Variants in NELL1 observed in about 807,000 individuals in gnomAD.
NELL1 encodes neural EGFL like 1.
In NELL1, 76 loss-of-function variants were observed where a neutral mutation model predicts 107.4. The observed-to-expected ratio is 0.71, with a 90% CI of 0.59 to 0.86. NELL1 has a LOEUF of 0.86. NELL1 is among the 40% of genes least tolerant of loss of function. The pLI, the probability that NELL1 is intolerant of heterozygous loss-of-function variation, is 0.00. For missense variants in NELL1, 1,024 were observed against 1,005.5 expected, an observed-to-expected ratio of 1.02 and a Z score of -0.25; for synonymous variants, 353 against 341.2, an observed-to-expected ratio of 1.03 and a Z score of -0.38.
chr11:21,197,026 C>T (rs967597736), intron 13 of NELL1, among the ~76,000 whole-genome samples: 1 of 151,790 alleles, frequency 6.6e-6, no homozygotes, highest in African/African-American at 2.4e-5. Flanking sequence ...CACCTGCCAC[C>T]ATGCCCGGCT....
intron 11 of NELL1, among the ~76,000 whole-genome samples, chr11:20,958,254 C>T (rs1369026946): frequency 6.7e-6 from 1 of 148,204 alleles, no homozygotes; most frequent in South Asian, 2.1e-4. Flanking sequence ...TTCATCTCTC[C>T]AAAAAAAAAA....
intron 13 of NELL1, among the ~76,000 whole-genome samples, chr11:21,146,863 G>A (rs982333039): frequency 2.6e-5 from 4 of 152,156 alleles, no homozygotes; most frequent in Non-Finnish European, 5.9e-5. Context: ...GACCAATATA[G>A]TGAAACCCTG....
intron 13 of NELL1, among the ~76,000 whole-genome samples, chr11:21,200,507 A>G (rs1857245279): frequency 6.6e-6 from 1 of 151,666 alleles, no homozygotes; most frequent in African/African-American, 2.4e-5. Context: ...AAATTTGTTG[A>G]AGTTCTTTAT....
In NELL1 at chr11:20,797,534, C is replaced by T. The variant is rs531118343; in HGVS notation, c.335+13704C>T. ...TGAGCCGAGATCGCGGCACTGCACT[C>T]CAGCCTGGGCGACAGAGCGAGACTC... On this transcript the variant is annotated intron_variant, in intron 3 of 19. Coordinates refer to ENST00000357134, the MANE Select transcript of NELL1 (RefSeq NM_006157.5). Among the ~76,000 whole-genome samples, 9 of 136,540 alleles carry T rather than the reference C, an allele frequency of 6.6e-5. No homozygotes were observed. In the South Asian group the frequency reaches 2.2e-3, roughly 33 times the overall value. 89.6% of individuals were successfully genotyped at this position (136,540 alleles called of 152,430 possible). A position where few individuals can be genotyped will look rare whatever the true frequency, so the allele number is the denominator to read the frequency against.
At chr11:21,147,820 G>C (rs1397326532) in intron 13 of NELL1, among the ~76,000 whole-genome samples, 1 of 83,278 alleles carries the variant, frequency 1.2e-5, no homozygotes, top group Non-Finnish European at 2.1e-5. Flanking sequence ...TGGGCAACAA[G>C]AGTGAAACTC....
In NELL1 at chr11:20,678,039, A is replaced by G. The variant is rs1249702851; in HGVS notation, c.163A>G (p.Ser55Gly). 1.2e-6 allele frequency: 2 copies of G among 1,614,144 alleles called. No individual in the cohort carries two copies. The highest frequency in any genetic ancestry group is 2.2e-5 in the South Asian group (2 of 91,070). ...TCAGGTGTCTGGAATGCACAATGCCAGCAAAGCATTTTTATTTCAAGGTAA... is the reference window on the plus strand; with the variant it reads ...TCAGGTGTCTGGAATGCACAATGCCGGCAAAGCATTTTTATTTCAAGGTAA... ...VAQVSGMHNA[S>G]KAFLFQDIER... The change falls in exon 2 of 20, where the codon AGC becomes GGC. Residue 55 changes from serine to glycine, a missense_variant. Ser to Gly is a moderately conservative substitution (Grantham distance 56). Coordinates refer to ENST00000357134, the MANE Select transcript of NELL1 (RefSeq NM_006157.5).
At chr11:20,721,367 T>C (rs1207114948) in intron 2 of NELL1, among the ~76,000 whole-genome samples, 4 of 151,906 alleles carry the variant, frequency 2.6e-5, no homozygotes, top group Admixed American at 6.6e-5. Flanking sequence ...ACATACAATA[T>C]CAAGAGTTTA....
chr11:21,096,053 C>T (rs903512821), intron 12 of NELL1, among the ~76,000 whole-genome samples: 3 of 152,224 alleles, frequency 2.0e-5, no homozygotes, highest in East Asian at 3.9e-4. Context: ...CAATTACCTC[C>T]CAACAGTCTC....
intron 2 of NELL1, among the ~76,000 whole-genome samples, chr11:20,733,291 A>C (rs374392104): frequency 5.9e-5 from 9 of 152,176 alleles, no homozygotes; most frequent in East Asian, 1.9e-4. Flanking sequence ...TACTTGGCCT[A>C]ATGTATTTGC....
intron 13 of NELL1, among the ~76,000 whole-genome samples, chr11:21,120,207 G>A (rs189454029): frequency 5.7e-4 from 86 of 152,198 alleles, no homozygotes; most frequent in African/African-American, 2.0e-3. Flanking sequence ...ACACTATAAT[G>A]AAAAGAGATT....
At chr11:20,978,309 C>A (rs781567170) in intron 12 of NELL1, among the ~76,000 whole-genome samples, 2 of 152,164 alleles carry the variant, frequency 1.3e-5, no homozygotes, top group Non-Finnish European at 2.9e-5. Flanking sequence ...CACCGCGAAG[C>A]TAGGTATTAC....
At chr11:21,343,277 G>A (rs1202061852) in intron 14 of NELL1, among the ~76,000 whole-genome samples, 1 of 151,646 alleles carries the variant, frequency 6.6e-6, no homozygotes, top group African/African-American at 2.4e-5. Flanking sequence ...CTTCTATGCA[G>A]GATGCATTTT....
chr11:21,031,335 A>C (rs557281246), intron 12 of NELL1, among the ~76,000 whole-genome samples: 2 of 152,298 alleles, frequency 1.3e-5, no homozygotes, highest in South Asian at 4.1e-4. Context: ...TAATGTTCAG[A>C]ATTCTTTTCA....
intron 13 of NELL1, among the ~76,000 whole-genome samples, chr11:21,121,683 T>C (rs1247906749): frequency 6.6e-6 from 1 of 152,144 alleles, no homozygotes; most frequent in African/African-American, 2.4e-5. Flanking sequence ...TCAAGTTGAA[T>C]TGAAGAAATT....
chr11:21,003,997 T>C (rs1025947833), intron 12 of NELL1, among the ~76,000 whole-genome samples: 2 of 152,134 alleles, frequency 1.3e-5, no homozygotes, highest in Non-Finnish European at 2.9e-5. Flanking sequence ...GCACTTTCCA[T>C]TGCCCTTGAA....
intron 15 of NELL1, among the ~76,000 whole-genome samples, chr11:21,405,565 G>T (rs1202656475): frequency 6.6e-6 from 1 of 151,952 alleles, no homozygotes; most frequent in Non-Finnish European, 1.5e-5. Flanking sequence ...AAACAGTTCT[G>T]TTCTTGTACT....
chr11:20,804,832 T>C (rs1857348204), intron 3 of NELL1, among the ~76,000 whole-genome samples: 1 of 152,200 alleles, frequency 6.6e-6, no homozygotes, highest in South Asian at 2.1e-4. Context: ...TCCAATGTTT[T>C]CTTTGTTGAT....
intron 12 of NELL1, among the ~76,000 whole-genome samples, chr11:21,036,462 A>T (rs549596510): frequency 6.6e-6 from 1 of 152,294 alleles, no homozygotes; most frequent in South Asian, 2.1e-4. Flanking sequence ...TGGAGGCATC[A>T]CACTGACTGC....
chr11:21,240,685 G>A (rs528678295), intron 14 of NELL1, among the ~76,000 whole-genome samples: 3 of 133,940 alleles, frequency 2.2e-5, no homozygotes, highest in South Asian at 2.3e-4. Flanking sequence ...TATGGATTGC[G>A]TTCTTTTGGC....
Sources: gnomAD v4.1 joint callset for allele counts (sites outside exome capture counted in the v4.1 genomes callset) on GRCh38, gnomAD v4.1.1 for gene constraint, MANE v1.5 for transcripts, NCBI Gene and HGNC (gene_info 2026-07-23, HGNC 2026-07-21) for gene names.